Variants in ACAD9 observed in about 807,000 individuals in gnomAD.
The protein encoded by ACAD9 is complex I assembly factor ACAD9, mitochondrial.
A neutral mutation model predicts 70.2 loss-of-function variants in ACAD9; 53 were observed. The observed-to-expected ratio is 0.75, with a 90% CI of 0.61 to 0.95. The LOEUF (loss-of-function observed/expected upper bound fraction) is 0.95. Among genes scored for constraint, ACAD9 ranks in the 40% least tolerant of loss-of-function variants. The probability of loss-of-function intolerance (pLI) is 0.00; values close to 1 mark genes in which losing one functional copy is unlikely to be tolerated. For synonymous variants in ACAD9, 313 were observed against 312.1 expected (o/e 1.00, Z -0.03); for missense variants, 777 against 802.8 (o/e 0.97, Z 0.39).
At chr3:128,884,532 C>T (rs1236296604) in intron 1 of ACAD9, 121 bp from the exon 2 acceptor site, 2 of 713,158 alleles carry the variant, frequency 2.8e-6, no homozygotes, top group Non-Finnish European at 4.9e-6. Context: ...TCCTTCAGTA[C>T]GTCATGTCCC....
intron 1 of ACAD9, among the ~76,000 whole-genome samples, chr3:128,882,972 C>T (rs1457144432): frequency 6.6e-6 from 1 of 152,148 alleles, no homozygotes; most frequent in East Asian, 1.9e-4. Flanking sequence ...ATCTCTAACA[C>T]AGCCCATTGC....
Position 128,896,550 on chromosome 3 carries a change from C to G in ACAD9, c.554+14C>G. On this transcript the variant is annotated intron_variant, in intron 5 of 17. Transcript: ENST00000308982. ...GGAGCCAGCCAGGTCTGTCTCTGCA[C>G]AAAACGTTATCCCTCAGCAGCTGTG... is the stretch of plus-strand genomic sequence containing the variant. 5 of 1,613,468 alleles carry G rather than the reference C, an allele frequency of 3.1e-6. No individual in the cohort carries two copies. Among genetic ancestry groups the G allele is most frequent in the Non-Finnish European group, 4.2e-6 (5 of 1,179,600 alleles).
intron 8 of ACAD9, among the ~76,000 whole-genome samples, chr3:128,901,994 C>T (rs930752352): frequency 7.0e-4 from 106 of 152,246 alleles, no homozygotes; most frequent in African/African-American, 2.4e-3. Flanking sequence ...TCTCACATTG[C>T]GTGATGTTTT....
At chr3:128,883,567 A>G (rs1410629387) in intron 1 of ACAD9, among the ~76,000 whole-genome samples, 1 of 152,062 alleles carries the variant, frequency 6.6e-6, no homozygotes, top group Non-Finnish European at 1.5e-5. Context: ...CATGTTGGTC[A>G]GGCTGGTCTC....
chr3:128,912,556 C>T lies in ACAD9; in HGVS notation c.1815C>T (p.Ile605=), dbSNP rs753815507. The change falls in exon 18 of 18, where the codon ATC becomes ATT. Residue 605 remains isoleucine, a synonymous_variant. Coordinates refer to ENST00000308982, the MANE Select transcript of ACAD9 (RefSeq NM_014049.5). ...DEQIKKVSQQ[I]LEKRAYICAH... ...AGATTAAGAAAGTGTCCCAGCAGATCCTTGAGAAGCGAGCCTATATCTGTG... is the reference window on the plus strand; with the variant it reads ...AGATTAAGAAAGTGTCCCAGCAGATTCTTGAGAAGCGAGCCTATATCTGTG... 2.5e-6 allele frequency: 4 copies of T among 1,614,220 alleles called. No homozygotes were observed. Among genetic ancestry groups the T allele is most frequent in the Admixed American group, 1.7e-5 (1 of 60,030 alleles).
Position 128,901,269 on chromosome 3 carries a change from GT to G in ACAD9, c.809-4del. On this transcript the variant is annotated splice_polypyrimidine_tract_variant and splice_region_variant and intron_variant, in intron 7 of 17. Coordinates refer to ENST00000308982, the MANE Select transcript of ACAD9 (RefSeq NM_014049.5). ...TCAGATGATATCTTAAATTTCATGT[GT>G]TTCAGCTTGTGAAGTCCATTTTGAA... 1 of 1,613,898 alleles carries G rather than the reference GT, an allele frequency of 6.2e-7. No homozygotes were observed. Among genetic ancestry groups the G allele is most frequent in the Non-Finnish European group, 8.5e-7 (1 of 1,179,794 alleles).
At chr3:128,893,295 G>A (rs1935475694) in intron 2 of ACAD9, among the ~76,000 whole-genome samples, 1 of 152,106 alleles carries the variant, frequency 6.6e-6, no homozygotes, top group African/African-American at 2.4e-5. Flanking sequence ...GGTTACGTGA[G>A]CTATGATTGT....
intron 2 of ACAD9, among the ~76,000 whole-genome samples, chr3:128,891,199 G>T (rs1028870490): frequency 6.6e-6 from 1 of 152,072 alleles, no homozygotes; most frequent in Non-Finnish European, 1.5e-5. Flanking sequence ...CTGATTCCAG[G>T]GCTCTTCATT....
intron 11 of ACAD9, 46 bp from the exon 12 acceptor site, chr3:128,906,075 A>G (rs763252279): frequency 2.5e-6 from 4 of 1,613,692 alleles, no homozygotes; most frequent in Non-Finnish European, 3.4e-6. Flanking sequence ...AGCTCCCTGC[A>G]GCGTAGGTCC....
chr3:128,885,074 C>T (rs1935207789), intron 2 of ACAD9, among the ~76,000 whole-genome samples: 1 of 152,164 alleles, frequency 6.6e-6, no homozygotes, highest in Non-Finnish European at 1.5e-5. Context: ...GCCCATGGAG[C>T]ATGTGTTGGT....
chr3:128,904,552 A>T, intron 11 of ACAD9, 47 bp downstream of exon 11: 1 of 1,598,604 alleles, frequency 6.3e-7, no homozygotes, highest in Non-Finnish European at 8.5e-7. Context: ...GAGGCTTGGG[A>T]AATCTCCCTC....
At chr3:128,896,635 C>A in intron 5 of ACAD9, 99 bp downstream of exon 5, 1 of 1,177,840 alleles carries the variant, frequency 8.5e-7, no homozygotes, top group South Asian at 1.3e-5. Context: ...GCTGACTTTT[C>A]CTTCTTTCCA....
chr3:128,888,866 TTTTA>T (rs1360323587), intron 2 of ACAD9, among the ~76,000 whole-genome samples: 1 of 151,238 alleles, frequency 6.6e-6, no homozygotes, highest in Non-Finnish European at 1.5e-5. Context: ...TCTCTTGTTC[TTTTA>T]TTTAAACTTT....
At chr3:128,892,732 T>C (rs1431668200) in intron 2 of ACAD9, among the ~76,000 whole-genome samples, 1 of 152,188 alleles carries the variant, frequency 6.6e-6, no homozygotes, top group Non-Finnish European at 1.5e-5. Flanking sequence ...TCAGAACTTG[T>C]GGATTGTGCT....
In ACAD9 at chr3:128,912,712, C is replaced by G; in HGVS notation, c.*105C>G. ...GGTGTTGGGATTATCACAGGTTAAG[C>G]CTTTTGTTCCCCGTCTGCACCTGAA... On this transcript the variant is annotated 3_prime_UTR_variant, in exon 18 of 18. Coordinates refer to ENST00000308982, the MANE Select transcript of ACAD9 (RefSeq NM_014049.5). 3 of 1,077,722 alleles carry G rather than the reference C, an allele frequency of 2.8e-6. No individual in the cohort carries two copies. The highest frequency in any genetic ancestry group is 1.5e-5 in the African/African-American group (1 of 64,668). 66.8% of individuals were successfully genotyped at this position (1,077,722 alleles called of 1,614,324 possible).
rs1416075472 is a variant in ACAD9 at position 128,896,432 on chromosome 3, T to C, written c.454-4T>C. 6.2e-7 allele frequency: 1 copy of C among 1,613,970 alleles called. No homozygotes were observed. Among genetic ancestry groups the C allele is most frequent in the Admixed American group, 1.7e-5 (1 of 60,010 alleles). On this transcript the variant is annotated splice_polypyrimidine_tract_variant and splice_region_variant and intron_variant, in intron 4 of 17. Coordinates refer to ENST00000308982, the MANE Select transcript of ACAD9 (RefSeq NM_014049.5). ...TGACATTAGTCTGTGTCTGTTTTGT[T>C]TAGGGGATCATCTTGGCTGGCACTG...
chr3:128,893,545 C>T lies in ACAD9; in HGVS notation c.245-10C>T. ...TTATATTTGTTTAATCAAGATTTTC[C>T]TCTTGGCAGTGGACTCCCGAAAAAT... On this transcript the variant is annotated splice_polypyrimidine_tract_variant and intron_variant, in intron 2 of 17. Coordinates refer to ENST00000308982, the MANE Select transcript of ACAD9 (RefSeq NM_014049.5). 1 of 1,606,020 alleles carries T rather than the reference C, an allele frequency of 6.2e-7. No individual in the cohort carries two copies. Among genetic ancestry groups the T allele is most frequent in the Non-Finnish European group, 8.5e-7 (1 of 1,172,722 alleles).
At chr3:128,880,033 G>C in intron 1 of ACAD9, 192 bp downstream of exon 1, 1 of 1,539,674 alleles carries the variant, frequency 6.5e-7, no homozygotes, top group Non-Finnish European at 8.7e-7. Context: ...ACATTTCCAA[G>C]ACGGGGGACC....
rs573031717 is a variant in ACAD9, at chr3:128,902,757, T to C, written c.958+129T>C. The C allele has an allele frequency of 7.7e-5, 82 of 1,069,530 alleles. No individual in the cohort carries two copies. The highest frequency in any genetic ancestry group is 1.1e-4 in the Non-Finnish European group (80 of 710,508). 66.3% of individuals were successfully genotyped at this position (1,069,530 alleles called of 1,614,324 possible). ...AACCAGGCTACCAGCCTGAGCTCAG[T>C]CCCTGGGCTTTTGTGGAGACCAGAG... On this transcript the variant is annotated intron_variant, in intron 9 of 17. Transcript: ENST00000308982. The surrounding 1 kb of genome is among the most constrained non-coding windows in gnomAD (Gnocchi z 4.0).
Sources: gnomAD v4.1 joint callset for allele counts (sites outside exome capture counted in the v4.1 genomes callset) on GRCh38, gnomAD v4.1.1 for gene constraint, Gnocchi (gnomAD v3.1) non-coding constraint, MANE v1.5 for transcripts, NCBI Gene and HGNC (gene_info 2026-07-23, HGNC 2026-07-21) for gene names.